Variants in REEP5 observed in about 807,000 individuals in gnomAD.
REEP5 encodes the protein receptor accessory protein 5.
In REEP5, 24 loss-of-function variants were observed where a neutral mutation model predicts 22.4. The ratio of observed to expected loss-of-function variants is 1.07; its 90% CI spans 0.78 to 1.51. The LOEUF (loss-of-function observed/expected upper bound fraction) is 1.51, where lower values mean the gene tolerates loss of function less well. Among genes scored for constraint, REEP5 ranks in the 40% most tolerant of loss-of-function variants. The pLI is 0.00. For synonymous variants in REEP5, 103 were observed against 88.6 expected (o/e 1.16, Z -0.92); for missense variants, 252 against 233.0 (o/e 1.08, Z -0.53).
intron 2 of REEP5, among the ~76,000 whole-genome samples, chr5:112,908,082 G>A (rs1331370604): frequency 3.4e-5 from 5 of 145,680 alleles, no homozygotes; most frequent in Non-Finnish European, 6.0e-5. Context: ...ATGAGCATCA[G>A]AGACTTTCTT....
At chr5:112,917,695 C>A (rs947944031) in intron 2 of REEP5, among the ~76,000 whole-genome samples, 1 of 152,202 alleles carries the variant, frequency 6.6e-6, no homozygotes, top group South Asian at 2.1e-4. Context: ...ACAGCATACA[C>A]CCTCCAGAGG....
At chr5:112,878,939 G>A in intron 4 of REEP5, 104 bp from the exon 5 acceptor site, 3 of 1,565,620 alleles carry the variant, frequency 1.9e-6, no homozygotes, top group Non-Finnish European at 2.6e-6. Flanking sequence ...AACAAAACTT[G>A]GATGACTCAT....
intron 2 of REEP5, among the ~76,000 whole-genome samples, chr5:112,916,611 A>G (rs1769238253): frequency 6.6e-6 from 1 of 152,268 alleles, no homozygotes; most frequent in Non-Finnish European, 1.5e-5. Context: ...TAATGTATTG[A>G]CAGGGTCAAC....
At chr5:112,912,766 T>A (rs1769133722) in intron 2 of REEP5, among the ~76,000 whole-genome samples, 2 of 152,186 alleles carry the variant, frequency 1.3e-5, no homozygotes, top group South Asian at 2.1e-4. Flanking sequence ...GATGTAGGAA[T>A]TCTTAGTAAT....
chr5:112,898,159 T>C (rs1306148879), intron 3 of REEP5: 1 of 152,266 alleles, frequency 6.6e-6, no homozygotes, highest in South Asian at 2.1e-4. Flanking sequence ...AGATGGATTC[T>C]AGTCCCTAAA....
At chr5:112,887,218 G>C in intron 3 of REEP5, 35 bp from the exon 4 acceptor site, 1 of 1,509,866 alleles carries the variant, frequency 6.6e-7, no homozygotes, top group Non-Finnish European at 9.0e-7. Flanking sequence ...GGTAACAGGA[G>C]GGTGGAGGGG....
intron 2 of REEP5, among the ~76,000 whole-genome samples, chr5:112,912,545 G>A (rs547889460): frequency 6.6e-6 from 1 of 152,150 alleles, no homozygotes; most frequent in South Asian, 2.1e-4. Context: ...ATCATCTTCT[G>A]GTCCATCTGC....
chr5:112,898,153 G>A (rs901060943), intron 3 of REEP5: 4 of 152,210 alleles, frequency 2.6e-5, no homozygotes, highest in East Asian at 1.9e-4. Flanking sequence ...TAGGTAAGAT[G>A]GATTCTAGTC....
chr5:112,884,727 T>C (rs920871869), intron 4 of REEP5, among the ~76,000 whole-genome samples: 1 of 152,046 alleles, frequency 6.6e-6, no homozygotes, highest in African/African-American at 2.4e-5. Flanking sequence ...CCTTCTGGTA[T>C]AGATTTCCTA....
At chr5:112,893,158 C>G in intron 3 of REEP5, 1 of 685,214 alleles carries the variant, frequency 1.5e-6, no homozygotes, top group Non-Finnish European at 2.3e-6. Flanking sequence ...ACCTGTAATC[C>G]CAGCACTTTA....
intron 2 of REEP5, among the ~76,000 whole-genome samples, chr5:112,913,548 A>T (rs1228280749): frequency 2.0e-5 from 3 of 150,688 alleles, no homozygotes; most frequent in African/African-American, 7.3e-5. Flanking sequence ...AAAAAAAAAA[A>T]AAAAAAAAAA....
chr5:112,922,169 T>G lies in REEP5; in HGVS notation c.22A>C (p.Arg8=), dbSNP rs911161293. ...TTCTCGTGCAGGAACCGGTCGAACC[T>G]CTCCCTCATGGCCGCAGACATGGCG... The part of the protein sequence containing the change: MSAAMRE[R]FDRFLHEKNC... The change falls in exon 1 of 5, where the codon AGG becomes CGG. Residue 8 remains arginine, a synonymous_variant. Transcript: ENST00000379638. The G allele has an allele frequency of 1.9e-6, 3 of 1,607,614 alleles. No individual in the cohort carries two copies. Among genetic ancestry groups the G allele is most frequent in the Admixed American group, 3.4e-5 (2 of 59,184 alleles).
chr5:112,885,444 AGAG>A (rs1768213798), intron 4 of REEP5: 1 of 193,718 alleles, frequency 5.2e-6, no homozygotes, highest in Non-Finnish European at 1.1e-5. Context: ...TGGTTACTGA[AGAG>A]GAGGCGAAAG....
intron 4 of REEP5, among the ~76,000 whole-genome samples, chr5:112,884,697 T>TTGAGTC (rs940890292): frequency 1.3e-5 from 2 of 150,738 alleles, no homozygotes; most frequent in African/African-American, 5.0e-5. Flanking sequence ...TTTACTACTA[T>TTGAGTC]TGAGTCTGAT....
At position 112,915,880 on chromosome 5, in the gene REEP5, T is replaced by TAA. The variant is rs375548847; in HGVS notation, c.212+5281_212+5282dup. 4.1e-3 allele frequency among the ~76,000 whole-genome samples: 549 copies of TAA among 133,800 alleles called. 2 individuals carry two copies. The highest frequency in any genetic ancestry group is 4.6e-3 in the Non-Finnish European group (284 of 62,366). 87.8% of individuals were successfully genotyped at this position (133,800 alleles called of 152,430 possible). A position where few individuals can be genotyped will look rare whatever the true frequency, so the allele number is the denominator to read the frequency against. ...AAAAGAACAAAACATAATTACAATTTAAAAAAAAAAAAAAAAACCCACAAG... is the reference window on the plus strand; with the variant it reads ...AAAAGAACAAAACATAATTACAATTTAAAAAAAAAAAAAAAAAAACCCACAAG... On this transcript the variant is annotated intron_variant, in intron 2 of 4. Coordinates refer to ENST00000379638, the MANE Select transcript of REEP5 (RefSeq NM_005669.5).
chr5:112,892,360 T>C (rs755394365), intron 3 of REEP5: 2 of 1,613,984 alleles, frequency 1.2e-6, no homozygotes, highest in Admixed American at 1.7e-5. Context: ...CTACCAACAG[T>C]TCCTAGATTT....
intron 3 of REEP5, among the ~76,000 whole-genome samples, chr5:112,888,327 T>G (rs1768324471): frequency 6.6e-6 from 1 of 152,222 alleles, no homozygotes; most frequent in South Asian, 2.1e-4. Flanking sequence ...CACAAATAGC[T>G]CACTCCATCA....
At chr5:112,881,128 CAAAAA>C (rs58737941) in intron 4 of REEP5, among the ~76,000 whole-genome samples, 6 of 67,218 alleles carry the variant, frequency 8.9e-5, no homozygotes, top group Admixed American at 2.1e-4. Context: ...GACTCTGTTT[CAAAAA>C]AAAAAAAAAA....
chr5:112,891,633 T>A, intron 3 of REEP5: 1 of 1,598,064 alleles, frequency 6.3e-7, no homozygotes, highest in Non-Finnish European at 8.5e-7. Flanking sequence ...CAGGCGGTGC[T>A]GGCAAGATGG....
Sources: allele counts gnomAD v4.1 joint callset (sites outside exome capture counted in the v4.1 genomes callset), GRCh38; gene constraint gnomAD v4.1.1; transcripts MANE v1.5; gene names NCBI Gene and HGNC (gene_info 2026-07-23, HGNC 2026-07-21).